CUL9: variants seen among roughly 807,000 people sequenced by gnomAD.
CUL9 encodes cullin 9, also known as cullin-9.
In CUL9, 79 loss-of-function variants were observed where a neutral mutation model predicts 272.6. The ratio of observed to expected loss-of-function variants is 0.29; its 90% CI spans 0.24 to 0.35. The LOEUF is 0.35. Ranked by LOEUF, CUL9 falls within the 10% of genes least tolerant of loss-of-function variation. The pLI is 1.00. For synonymous variants in CUL9, 1,186 were observed against 1,286.5 expected, an observed-to-expected ratio of 0.92 and a Z score of 1.67; for missense variants, 2,532 against 3,255.6, an observed-to-expected ratio of 0.78 and a Z score of 5.41.
At chr6:43,188,826 G>C in intron 8 of CUL9, 111 bp downstream of exon 8, 1 of 900,800 alleles carries the variant, frequency 1.1e-6, no homozygotes, top group Non-Finnish European at 1.7e-6. Context: ...GGTGAGGGAA[G>C]GCTCAGCCTG....
chr6:43,213,187 C>T lies in CUL9; in HGVS notation c.5251C>T (p.Arg1751Ter), dbSNP rs1378427739. 5 of 1,614,046 alleles carry T rather than the reference C, an allele frequency of 3.1e-6. No individual in the cohort carries two copies. Among genetic ancestry groups the T allele is most frequent in the African/African-American group, 1.3e-5 (1 of 74,928 alleles). ...AGTCCTGGACATGGGACCACATCGG[C>T]GACTGCAGTGGACGTGGCTGGGCCG... Reference protein sequence around the residue: ...HPVLDMGPHRRLQWTWLGRAE... With the variant: ...HPVLDMGPHR The change falls in exon 27 of 41, where the codon CGA (arginine) becomes TGA (stop). Residue 1751 changes from arginine (R) to a stop codon, truncating the protein, a stop_gained. Coordinates refer to ENST00000252050, the MANE Select transcript of CUL9 (RefSeq NM_015089.4). LOFTEE classifies it high-confidence loss of function. The surrounding 1 kb of genome is among the most constrained non-coding windows in gnomAD (Gnocchi z 5.7).
chr6:43,182,617 T>TA (rs146837786), intron 1 of CUL9, among the ~76,000 whole-genome samples: 3,376 of 152,156 alleles, frequency 0.022, 136 homozygotes, highest in African/African-American at 0.076. Context: ...CCCCTGCTGC[T>TA]AATCAGTTGC....
intron 26 of CUL9, among the ~76,000 whole-genome samples, chr6:43,210,779 AATTG>A (rs1254999131): frequency 2.6e-5 from 4 of 152,168 alleles, no homozygotes; most frequent in Non-Finnish European, 5.9e-5. Context: ...ATTATTAATT[AATTG>A]ACTGTTTCTA....
Position 43,223,092 on chromosome 6 carries a change from A to C in CUL9, c.7151-172A>C, listed in dbSNP as rs1776505802. On this transcript the variant is annotated intron_variant, in intron 38 of 40. Coordinates refer to ENST00000252050, the MANE Select transcript of CUL9 (RefSeq NM_015089.4). The surrounding 1 kb of genome is among the most constrained non-coding windows in gnomAD (Gnocchi z 4.1). ...CATTGTAAGGTGCCCAAGGGCGCAGATGTTCGTGGATGTTTCTTGGTTTCT... is the reference window on the plus strand; with the variant it reads ...CATTGTAAGGTGCCCAAGGGCGCAGCTGTTCGTGGATGTTTCTTGGTTTCT... 1 of 1,019,396 alleles carries C rather than the reference A, an allele frequency of 9.8e-7. No individual in the cohort carries two copies. The highest frequency in any genetic ancestry group is 1.6e-5 in the African/African-American group (1 of 61,520). The allele number at this position is 1,019,396 out of a possible 1,614,324, so 63.1% of individuals were successfully genotyped here.
chr6:43,203,419 C>T lies in CUL9; in HGVS notation c.3852C>T (p.Gly1284=), dbSNP rs552952865. The T allele has an allele frequency of 1.1e-5, 17 of 1,613,654 alleles. No homozygotes were observed. The highest frequency in any genetic ancestry group is 3.3e-5 in the Admixed American group (2 of 59,978). Residue 1284 remains glycine (G), a splice_region_variant and synonymous_variant, in exon 19 of 41, where the codon GGC becomes GGT. Coordinates refer to ENST00000252050, the MANE Select transcript of CUL9 (RefSeq NM_015089.4). This position sits in a 1 kb window ranked among gnomAD's most constrained non-coding sequence, Gnocchi z 5.0. ...AGATAAGTCTGTGCATGTTCCAGGG[C>T]GGCATTGACACCCGGGTTCGGGGTG... ...IQIRIKRCQQ[G]GIDTRVRGVE... is the part of the protein sequence containing the mutation.
chr6:43,201,251 T>C (rs934630380), intron 16 of CUL9, among the ~76,000 whole-genome samples: 5 of 152,168 alleles, frequency 3.3e-5, no homozygotes, highest in Non-Finnish European at 5.9e-5. Context: ...AGAAAAAGCA[T>C]TGTGGTCCAC....
rs538443870 is a variant in CUL9 at position 43,203,019 on chromosome 6, C to T, written c.3754-90C>T. On this transcript the variant is annotated intron_variant, in intron 17 of 40. Coordinates refer to ENST00000252050, the MANE Select transcript of CUL9 (RefSeq NM_015089.4). This position sits in a 1 kb window ranked among gnomAD's most constrained non-coding sequence, Gnocchi z 5.0. ...CTCTGCGGGAGAAGTGAAGGGCACACACCATGACCGACTTGGTTACTGTCA... is the reference window on the plus strand; with the variant it reads ...CTCTGCGGGAGAAGTGAAGGGCACATACCATGACCGACTTGGTTACTGTCA... The T allele has an allele frequency of 7.0e-7, 1 of 1,431,682 alleles. No individual in the cohort carries two copies. The highest frequency in any genetic ancestry group is 1.2e-5 in the South Asian group (1 of 86,152). 88.7% of individuals were successfully genotyped at this position (1,431,682 alleles called of 1,614,324 possible).
chr6:43,220,574 T>C lies in CUL9; in HGVS notation c.6398T>C (p.Val2133Ala). Residue 2133 changes from valine to alanine, a missense_variant, in exon 32 of 41, where the codon GTC becomes GCC. Coordinates refer to ENST00000252050, the MANE Select transcript of CUL9 (RefSeq NM_015089.4). This position sits in a 1 kb window ranked among gnomAD's most constrained non-coding sequence, Gnocchi z 4.9. ...ACCGGAGCCTTCATTCGTGCCATCGTCTCCTCGCCAGAGGTCATCTCCAAG... is the reference window on the plus strand; with the variant it reads ...ACCGGAGCCTTCATTCGTGCCATCGCCTCCTCGCCAGAGGTCATCTCCAAG... Reference protein sequence around the residue: ...QPTGAFIRAIVSSPEVISKYE... With the variant: ...QPTGAFIRAIASSPEVISKYE... 17 of 1,614,018 alleles carry C rather than the reference T, an allele frequency of 1.1e-5. No individual in the cohort carries two copies. The highest frequency in any genetic ancestry group is 1.4e-5 in the Non-Finnish European group (17 of 1,179,996).
chr6:43,195,560 A>G (rs912835026), intron 9 of CUL9, among the ~76,000 whole-genome samples: 2 of 152,194 alleles, frequency 1.3e-5, no homozygotes, highest in Admixed American at 1.3e-4. Context: ...GGGACAAGGA[A>G]CCTTAGTTCC....
In CUL9 at chr6:43,204,510, G is replaced by A; in HGVS notation, c.4310G>A (p.Gly1437Glu). 6.2e-7 allele frequency: 1 copy of A among 1,614,058 alleles called. No homozygotes were observed. The highest frequency in any genetic ancestry group is 2.2e-5 in the East Asian group (1 of 44,860). ...HLLVHVEPPP[G>E]PSPEPSTRPF... is the part of the protein sequence containing the mutation. Reference sequence around the variant, plus strand: ...CTGGTGCATGTGGAACCTCCTCCTGGGCCTTCTCCTGAGCCATCCACTCGG... The same window carrying A: ...CTGGTGCATGTGGAACCTCCTCCTGAGCCTTCTCCTGAGCCATCCACTCGG... Residue 1437 changes from glycine (G) to glutamate (E), a missense_variant, in exon 21 of 41, where the codon GGG becomes GAG. By Grantham distance (98) the Gly-to-Glu change is moderately conservative. Coordinates refer to ENST00000252050, the MANE Select transcript of CUL9 (RefSeq NM_015089.4).
At position 43,204,427 on chromosome 6, in the gene CUL9, GA is replaced by G; in HGVS notation, c.4229del (p.Asn1410ThrfsTer3). 1 of 1,614,158 alleles carries G rather than the reference GA, an allele frequency of 6.2e-7. No individual in the cohort carries two copies. The highest frequency in any genetic ancestry group is 8.5e-7 in the Non-Finnish European group (1 of 1,180,032). ...QYLEQRETSR[N>X]PLSRAASFAS... is the part of the protein sequence containing the mutation. Reference sequence around the variant, plus strand: ...ACTTAGAACAGAGAGAGACCTCTCGGAACCCCTTGAGTCGAGCAGCGTCCTT... The same window carrying G: ...ACTTAGAACAGAGAGAGACCTCTCGGACCCCTTGAGTCGAGCAGCGTCCTT... On this transcript the variant is annotated frameshift_variant, in exon 21 of 41. Transcript: ENST00000252050. LOFTEE classifies it high-confidence loss of function.
chr6:43,193,087 A>T lies in CUL9; in HGVS notation c.2267A>T (p.Tyr756Phe), dbSNP rs1683047173. The T allele has an allele frequency of 6.2e-7, 1 of 1,614,166 alleles. No individual in the cohort carries two copies. Among genetic ancestry groups the T allele is most frequent in the Non-Finnish European group, 8.5e-7 (1 of 1,180,012 alleles). The stretch of plus-strand genomic sequence containing the variant: ...GTCGTGCAGGCCCTGCGCCTCCTTT[A>T]CCTGCTCATGACCAAGCACGAGTGG... ...MVVVQALRLL[Y>F]LLMTKHEWRP... is the part of the protein sequence containing the mutation. The change falls in exon 9 of 41, where the codon TAC becomes TTC. Residue 756 changes from tyrosine (Y) to phenylalanine (F), a missense_variant. Tyr to Phe is a conservative substitution (Grantham distance 22). Coordinates refer to ENST00000252050, the MANE Select transcript of CUL9 (RefSeq NM_015089.4).
chr6:43,205,955 G>A, intron 24 of CUL9, 52 bp from the exon 25 acceptor site: 1 of 1,541,954 alleles, frequency 6.5e-7, no homozygotes, highest in South Asian at 1.2e-5. Context: ...GGGGGAGGCT[G>A]GGCCACGCTG....
chr6:43,210,369 G>A (rs1156673765), intron 26 of CUL9, among the ~76,000 whole-genome samples: 1 of 152,200 alleles, frequency 6.6e-6, no homozygotes, highest in Non-Finnish European at 1.5e-5. Flanking sequence ...TACTAAGTAT[G>A]TGGCAGGCAT....
At position 43,214,873 on chromosome 6, in the gene CUL9, T is replaced by G. The variant is rs542929036; in HGVS notation, c.5689-206T>G. The stretch of plus-strand genomic sequence containing the variant: ...TAAGTGGCAGAGCTGCCAGACACCA[T>G]GGCTCATGCAGGAGGATTACTTGAG... On this transcript the variant is annotated intron_variant, in intron 29 of 40. Transcript: ENST00000252050. Among the ~76,000 whole-genome samples, 30 of 151,714 alleles carry G rather than the reference T, an allele frequency of 2.0e-4. 1 individual carries two copies. The highest frequency in any genetic ancestry group is 3.3e-4 in the Admixed American group (5 of 15,244).
At position 43,203,185 on chromosome 6, in the gene CUL9, G is replaced by A. The variant is rs867319922; in HGVS notation, c.3830G>A (p.Arg1277His). 8.7e-6 allele frequency: 14 copies of A among 1,614,020 alleles called. No homozygotes were observed. Among genetic ancestry groups the A allele is most frequent in the African/African-American group, 2.7e-5 (2 of 74,904 alleles). Residue 1277 changes from arginine to histidine, a missense_variant, in exon 18 of 41, where the codon CGC (arginine) becomes CAC (histidine). Around this residue, in one of 3 missense-constraint regions of CUL9, gnomAD observed 2,218 missense variants for 2,788.6 expected, o/e 0.80. Transcript: ENST00000252050. This position sits in a 1 kb window ranked among gnomAD's most constrained non-coding sequence, Gnocchi z 5.0. ...LNRFWPIIQI[R>H]IKRCQQGGID... The stretch of plus-strand genomic sequence containing the variant: ...CGCTTCTGGCCCATCATCCAGATCC[G>A]CATAAAGCGCTGCCAGCAGGTGGTG...
intron 8 of CUL9, among the ~76,000 whole-genome samples, chr6:43,190,828 G>T (rs1056236937): frequency 6.6e-6 from 1 of 152,162 alleles, no homozygotes; most frequent in African/African-American, 2.4e-5. Flanking sequence ...TGGCCTCACT[G>T]TCACTGTTAA....
chr6:43,198,757 C>G lies in CUL9; in HGVS notation c.2952C>G (p.Leu984=), dbSNP rs1345052700. Residue 984 remains leucine, a synonymous_variant, in exon 12 of 41, where the codon CTC becomes CTG. Coordinates refer to ENST00000252050, the MANE Select transcript of CUL9 (RefSeq NM_015089.4). ...EGSPGGAVRP[L]LKRLQQETQP... ...GCCCCGGAGGTGCCGTGAGGCCCCTCCTCAAGCGCCTCCAGCAGGAGACCC... is the reference window on the plus strand; with the variant it reads ...GCCCCGGAGGTGCCGTGAGGCCCCTGCTCAAGCGCCTCCAGCAGGAGACCC... 1.2e-6 allele frequency: 2 copies of G among 1,614,096 alleles called. No homozygotes were observed. The highest frequency in any genetic ancestry group is 1.7e-5 in the Admixed American group (1 of 60,020).
chr6:43,183,093 A>G (rs1772565211), intron 1 of CUL9, among the ~76,000 whole-genome samples: 1 of 152,240 alleles, frequency 6.6e-6, no homozygotes, highest in South Asian at 2.1e-4. Flanking sequence ...TCAGAGGTTA[A>G]GTAACTTGTT....
Sources: gnomAD v4.1 joint callset for allele counts (sites outside exome capture counted in the v4.1 genomes callset) on GRCh38, gnomAD v4.1.1 for gene constraint, gnomAD v4.1.1 regional missense constraint, Gnocchi (gnomAD v3.1) non-coding constraint, MANE v1.5 for transcripts, NCBI Gene and HGNC (gene_info 2026-07-23, HGNC 2026-07-21) for gene names.